The following ST6GALNAC3 variants were observed in gnomAD, a reference collection of about 807,000 sequenced individuals.
ST6GALNAC3 encodes alpha-N-acetylgalactosaminide alpha-2,6-sialyltransferase 3.
Under a neutral mutation model 32.7 loss-of-function variants are expected in ST6GALNAC3, and 25 were observed. That is an observed-to-expected ratio of 0.76 (90% confidence interval 0.56 to 1.07). The LOEUF (loss-of-function observed/expected upper bound fraction) is 1.07, where lower values mean the gene tolerates loss of function less well. Ranked by LOEUF, ST6GALNAC3 falls within the 50% of genes least tolerant of loss-of-function variation. The pLI, the probability that ST6GALNAC3 is intolerant of heterozygous loss-of-function variation, is 0.00. For missense variants in ST6GALNAC3, 355 were observed against 382.4 expected, an observed-to-expected ratio of 0.93 and a Z score of 0.60; for synonymous variants, 129 against 133.1, an observed-to-expected ratio of 0.97 and a Z score of 0.21.
chr1:76,473,417 T>G (rs1273456241), intron 3 of ST6GALNAC3, among the ~76,000 whole-genome samples: 1 of 152,116 alleles, frequency 6.6e-6, no homozygotes, highest in African/African-American at 2.4e-5. Context: ...ATTTGAAAAT[T>G]TTTGTGGTCT....
intron 1 of ST6GALNAC3, among the ~76,000 whole-genome samples, chr1:76,094,634 G>A (rs1050177523): frequency 1.3e-5 from 2 of 152,146 alleles, no homozygotes; most frequent in African/African-American, 4.8e-5. Context: ...TTCCAGTGAT[G>A]GAAGAATTTT....
At chr1:76,520,468 A>G (rs1165634707) in intron 3 of ST6GALNAC3, among the ~76,000 whole-genome samples, 1 of 152,062 alleles carries the variant, frequency 6.6e-6, no homozygotes, top group Non-Finnish European at 1.5e-5. Context: ...CACACATACC[A>G]TACACACACA....
chr1:76,455,539 C>T (rs2101572056), intron 3 of ST6GALNAC3, among the ~76,000 whole-genome samples: 1 of 152,212 alleles, frequency 6.6e-6, no homozygotes, highest in African/African-American at 2.4e-5. Context: ...ACCCTTGCTT[C>T]CAGGAGGCTG....
At chr1:76,275,904 A>G (rs754444279) in intron 1 of ST6GALNAC3, among the ~76,000 whole-genome samples, 1 of 152,206 alleles carries the variant, frequency 6.6e-6, no homozygotes, top group Non-Finnish European at 1.5e-5. Flanking sequence ...CAGCGGTTCA[A>G]CAGTGTCATC....
chr1:76,294,410 G>A (rs771822089), intron 1 of ST6GALNAC3, among the ~76,000 whole-genome samples: 31 of 151,882 alleles, frequency 2.0e-4, no homozygotes, highest in Non-Finnish European at 3.4e-4. Flanking sequence ...TGTTTGTAGG[G>A]AAAATGTAAA....
At chr1:76,196,423 A>G (rs965637714) in intron 1 of ST6GALNAC3, among the ~76,000 whole-genome samples, 7 of 152,172 alleles carry the variant, frequency 4.6e-5, no homozygotes, top group African/African-American at 1.7e-4. Flanking sequence ...ATAAATATCA[A>G]TAGATACAAC....
intron 2 of ST6GALNAC3, among the ~76,000 whole-genome samples, chr1:76,327,010 C>T (rs1245996099): frequency 6.6e-6 from 1 of 151,822 alleles, no homozygotes; most frequent in Non-Finnish European, 1.5e-5. Context: ...GCTGACCTGA[C>T]CTAGTTTTCT....
At chr1:76,313,525 C>T in intron 1 of ST6GALNAC3, 1 of 469,700 alleles carries the variant, frequency 2.1e-6, no homozygotes, top group Non-Finnish European at 3.9e-6. Context: ...TGGGGTTTTG[C>T]AAACTGAATA....
chr1:76,632,373 TGTAG>T lies in ST6GALNAC3; in HGVS notation c.*3570_*3573del, dbSNP rs1354623080. The T allele has an allele frequency of 6.6e-6, 1 of 152,158 alleles. No homozygotes were observed. Among genetic ancestry groups the T allele is most frequent in the Non-Finnish European group, 1.5e-5 (1 of 68,008 alleles). 9.4% of individuals were successfully genotyped at this position (152,158 alleles called of 1,614,324 possible). The stretch of plus-strand genomic sequence containing the variant: ...GACTTGTAAGTATAGCAATCTGTAT[TGTAG>T]GTTCTGCCGATTGCAGGCTTAGCTA... On this transcript the variant is annotated 3_prime_UTR_variant, in exon 5 of 5. Transcript: ENST00000328299.
chr1:76,404,282 G>T (rs1266363907), intron 2 of ST6GALNAC3, among the ~76,000 whole-genome samples: 1 of 152,030 alleles, frequency 6.6e-6, no homozygotes, highest in Non-Finnish European at 1.5e-5. Flanking sequence ...TTCACTGGAA[G>T]ATGCTGGTTT....
intron 2 of ST6GALNAC3, among the ~76,000 whole-genome samples, chr1:76,361,127 C>T (rs1325334223): frequency 6.6e-6 from 1 of 151,808 alleles, no homozygotes; most frequent in African/African-American, 2.4e-5. Context: ...GTGTACAGTT[C>T]AGTAGTATGA....
At chr1:76,133,974 C>T (rs866658362) in intron 1 of ST6GALNAC3, among the ~76,000 whole-genome samples, 3 of 152,214 alleles carry the variant, frequency 2.0e-5, no homozygotes, top group Middle Eastern at 3.2e-3. Flanking sequence ...TCCCAGCACT[C>T]CATCTAGTCA....
intron 1 of ST6GALNAC3, among the ~76,000 whole-genome samples, chr1:76,134,184 G>A (rs982734283): frequency 5.3e-5 from 8 of 152,238 alleles, no homozygotes; most frequent in East Asian, 1.9e-4. Flanking sequence ...GTGGAATGGC[G>A]GACAGGTCAC....
chr1:76,606,402 C>T (rs887949691), intron 3 of ST6GALNAC3, among the ~76,000 whole-genome samples: 2 of 152,086 alleles, frequency 1.3e-5, no homozygotes, highest in African/African-American at 4.8e-5. Context: ...GGAATGAGAT[C>T]ATGTCCCTTG....
At chr1:76,294,442 G>A (rs2100827860) in intron 1 of ST6GALNAC3, among the ~76,000 whole-genome samples, 1 of 152,066 alleles carries the variant, frequency 6.6e-6, no homozygotes, top group African/African-American at 2.4e-5. Flanking sequence ...TTTAACTGCA[G>A]TCCAAAGAGG....
chr1:76,253,438 C>T (rs917100351), intron 1 of ST6GALNAC3, among the ~76,000 whole-genome samples: 1 of 152,078 alleles, frequency 6.6e-6, no homozygotes, highest in Admixed American at 6.6e-5. Context: ...TAAAGCTTCA[C>T]GTGAACCCGA....
At chr1:76,583,955 A>G (rs1211864313) in intron 3 of ST6GALNAC3, among the ~76,000 whole-genome samples, 2 of 152,198 alleles carry the variant, frequency 1.3e-5, no homozygotes, top group South Asian at 2.1e-4. Flanking sequence ...ACAAAGCCCA[A>G]TTCTGTTCCT....
chr1:76,485,733 C>T (rs929889075), intron 3 of ST6GALNAC3, among the ~76,000 whole-genome samples: 2 of 152,082 alleles, frequency 1.3e-5, no homozygotes, highest in African/African-American at 4.8e-5. Context: ...TTCAGTTCTT[C>T]TCTGATCTTA....
intron 2 of ST6GALNAC3, among the ~76,000 whole-genome samples, chr1:76,365,584 T>C (rs1414652424): frequency 1.3e-5 from 2 of 152,254 alleles, no homozygotes; most frequent in Non-Finnish European, 2.9e-5. Flanking sequence ...TTTTAAATAA[T>C]TCCGTGATCT....
Sources: gnomAD v4.1 joint callset for allele counts (sites outside exome capture counted in the v4.1 genomes callset) on GRCh38, gnomAD v4.1.1 for gene constraint, MANE v1.5 for transcripts, NCBI Gene and HGNC (gene_info 2026-07-23, HGNC 2026-07-21) for gene names.